Variants in ACE observed in about 807,000 individuals in gnomAD.
ACE encodes the protein angiotensin-converting enzyme.
A neutral mutation model predicts 162.3 loss-of-function variants in ACE; 122 were observed. That is an observed-to-expected ratio of 0.75 (90% CI 0.65 to 0.87). ACE has a LOEUF of 0.87. Ranked by LOEUF, ACE falls within the 40% of genes least tolerant of loss-of-function variation. ACE has a pLI of 0.00. For synonymous variants in ACE, 796 were observed against 720.6 expected (o/e 1.10, Z -1.68); for missense variants, 1,799 against 1,735.1 (o/e 1.04, Z -0.65).
chr17:63,486,074 C>T (rs1407206081), intron 13 of ACE, among the ~76,000 whole-genome samples: 3 of 152,210 alleles, frequency 2.0e-5, no homozygotes, highest in South Asian at 2.1e-4. Context: ...GCTACACTTC[C>T]TCTTTACCCT....
Position 63,497,396 on chromosome 17 carries a change from G to A in ACE, c.*30G>A. On this transcript the variant is annotated 3_prime_UTR_variant, in exon 25 of 25. Transcript: ENST00000290866. ...ACCCGGCTGGGTCGGCCCTGCCCAA[G>A]GGCCTCCCACCAGAGACTGGGATGG... The A allele has an allele frequency of 1.3e-6, 2 of 1,536,308 alleles. No homozygotes were observed. The highest frequency in any genetic ancestry group is 1.2e-5 in the South Asian group (1 of 83,744).
At position 63,496,465 on chromosome 17, in the gene ACE, C is replaced by T. The variant is rs1460629643; in HGVS notation, c.3452C>T (p.Pro1151Leu). 23 of 1,614,102 alleles carry T rather than the reference C, an allele frequency of 1.4e-5. No homozygotes were observed. The highest frequency in any genetic ancestry group is 1.9e-5 in the Non-Finnish European group (22 of 1,180,058). ...TGCCAGGCAGCTGGCCACACGGGCC[C>T]CCTGCACAAGTGTGACATCTACCAG... ...ALCQAAGHTG[P>L]LHKCDIYQSK... The change falls in exon 23 of 25, where the codon CCC (proline) becomes CTC (leucine). Residue 1151 changes from proline to leucine, a missense_variant. Pro to Leu is a moderately conservative substitution (Grantham distance 98). Coordinates refer to ENST00000290866, the MANE Select transcript of ACE (RefSeq NM_000789.4).
chr17:63,482,824 C>T (rs2049733365), intron 8 of ACE, 135 bp downstream of exon 8: 2 of 1,114,056 alleles, frequency 1.8e-6, no homozygotes, highest in African/African-American at 3.1e-5. Context: ...GTTCGGGATC[C>T]TCCTAGAGCC....
At chr17:63,493,407 C>T in intron 19 of ACE, 29 bp from the exon 20 acceptor site, 1 of 1,608,174 alleles carries the variant, frequency 6.2e-7, no homozygotes, top group South Asian at 1.1e-5. Context: ...CCTCTCCCAA[C>T]ACCCTCTCCC....
chr17:63,478,254 G>A, intron 2 of ACE, 156 bp downstream of exon 2: 3 of 985,110 alleles, frequency 3.0e-6, no homozygotes, highest in Non-Finnish European at 4.4e-6. Context: ...GGCTTTCTGA[G>A]CATTGATTTT....
In ACE at chr17:63,485,241, G is replaced by T. The variant is rs767279985; in HGVS notation, c.1927G>T (p.Val643Leu). 6.2e-7 allele frequency: 1 copy of T among 1,614,118 alleles called. No individual in the cohort carries two copies. The highest frequency in any genetic ancestry group is 1.6e-4 in the Middle Eastern group (1 of 6,062). The stretch of plus-strand genomic sequence containing the variant: ...CCCTGCACTCTGTCCCACAGACCTG[G>T]TGACTGATGAGGCTGAGGCCAGCAA... ...PDNYPEGIDL[V>L]TDEAEASKFV... The change falls in exon 13 of 25, where the codon GTG becomes TTG. Residue 643 changes from valine (V) to leucine (L), a missense_variant. By Grantham distance (32) the Val-to-Leu change is conservative. Transcript: ENST00000290866.
intron 17 of ACE, chr17:63,490,662 A>G (rs1052239974): frequency 6.5e-6 from 3 of 460,432 alleles, no homozygotes; most frequent in Non-Finnish European, 1.2e-5. Flanking sequence ...ATGTCCTCAC[A>G]TGTCAGCAGT....
At chr17:63,481,517 G>A (rs1168078467) in intron 6 of ACE, 49 bp from the exon 7 acceptor site, 2 of 1,607,106 alleles carry the variant, frequency 1.2e-6, no homozygotes, top group South Asian at 1.1e-5. Flanking sequence ...CTGTCCCCAG[G>A]CCAGCCAGAG....
rs2049740100 is a variant in ACE at position 63,483,134 on chromosome 17, C to T, written c.1448C>T (p.Thr483Ile). Residue 483 changes from threonine (T) to isoleucine (I), a missense_variant, in exon 9 of 25, where the codon ACC becomes ATC. Thr to Ile is a moderately conservative substitution (Grantham distance 89, BLOSUM62 -1). Coordinates refer to ENST00000290866, the MANE Select transcript of ACE (RefSeq NM_000789.4). ...CGCTGGGGGGTCTTTAGTGGGCGTACCCCCCCTTCCCGCTACAACTTCGAC... is the reference window on the plus strand; with the variant it reads ...CGCTGGGGGGTCTTTAGTGGGCGTATCCCCCCTTCCCGCTACAACTTCGAC... ...QWRWGVFSGR[T>I]PPSRYNFDWW... is the part of the protein sequence containing the mutation. 1.2e-6 allele frequency: 2 copies of T among 1,613,948 alleles called. No individual in the cohort carries two copies. The highest frequency in any genetic ancestry group is 1.7e-6 in the Non-Finnish European group (2 of 1,179,942).
Position 63,479,907 on chromosome 17 carries a change from A to G in ACE, c.650A>G (p.Gln217Arg). ...GCCCTCAGCAATGAAGCCTACAAGC[A>G]GGACGGTGAGCAGGCCTCTCCCTGT... Reference protein sequence around the residue: ...FTALSNEAYKQDGFTDTGAYW... With the variant: ...FTALSNEAYKRDGFTDTGAYW... Residue 217 changes from glutamine to arginine, a missense_variant, in exon 4 of 25, where the codon CAG becomes CGG. Coordinates refer to ENST00000290866, the MANE Select transcript of ACE (RefSeq NM_000789.4). 6.2e-7 allele frequency: 1 copy of G among 1,609,758 alleles called. No individual in the cohort carries two copies. The highest frequency in any genetic ancestry group is 8.5e-7 in the Non-Finnish European group (1 of 1,179,518).
intron 17 of ACE, 77 bp downstream of exon 17, chr17:63,489,209 G>C: frequency 1.3e-6 from 2 of 1,530,938 alleles, no homozygotes; most frequent in Admixed American, 1.8e-5. Context: ...GGGCTGACTA[G>C]AGGGTAGGGA....
chr17:63,482,606 T>C lies in ACE; in HGVS notation c.1259T>C (p.Ile420Thr), dbSNP rs144494842. ...GCCAACCCCGGCTTCCATGAGGCCA[T>C]TGGGGACGTGCTGGCGCTCTCGGTC... ...RGANPGFHEA[I>T]GDVLALSVST... The change falls in exon 8 of 25, where the codon ATT becomes ACT. Residue 420 changes from isoleucine to threonine, a missense_variant. Physicochemically the swap from Ile to Thr is moderately conservative, Grantham distance 89 (BLOSUM62 -1). Coordinates refer to ENST00000290866, the MANE Select transcript of ACE (RefSeq NM_000789.4). 1.7e-4 allele frequency: 276 copies of C among 1,614,080 alleles called. 1 individual carries two copies. The highest frequency in any genetic ancestry group is 1.3e-3 in the African/African-American group (98 of 75,028).
At chr17:63,482,814 G>T in intron 8 of ACE, 125 bp downstream of exon 8, 1 of 1,186,542 alleles carries the variant, frequency 8.4e-7, no homozygotes, top group South Asian at 1.3e-5. Context: ...GTCAGGCAGG[G>T]TTCGGGATCC....
Position 63,488,731 on chromosome 17 carries a change from G to T in ACE, c.2389G>T (p.Ala797Ser). Residue 797 changes from alanine to serine, a missense_variant, in exon 16 of 25, where the codon GCC (alanine) becomes TCC (serine). Coordinates refer to ENST00000290866, the MANE Select transcript of ACE (RefSeq NM_000789.4). ...WEGWRDKAGR[A>S]ILQFYPKYVE... ...GGGCTGGCGAGACAAGGCGGGGAGAGCCATCCTCCAGTTTTACCCGAAATA... is the reference window on the plus strand; with the variant it reads ...GGGCTGGCGAGACAAGGCGGGGAGATCCATCCTCCAGTTTTACCCGAAATA... 3 of 1,613,756 alleles carry T rather than the reference G, an allele frequency of 1.9e-6. No homozygotes were observed. Among genetic ancestry groups the T allele is most frequent in the South Asian group, 2.2e-5 (2 of 91,050 alleles).
chr17:63,489,716 A>G (rs1040242746), intron 17 of ACE, among the ~76,000 whole-genome samples: 1 of 152,210 alleles, frequency 6.6e-6, no homozygotes, highest in African/African-American at 2.4e-5. Flanking sequence ...AGCAGAGGCT[A>G]CTGGTTCTCT....
In ACE at chr17:63,491,532, T is replaced by G; in HGVS notation, c.2912+151T>G. On this transcript the variant is annotated intron_variant, in intron 19 of 24. Coordinates refer to ENST00000290866, the MANE Select transcript of ACE (RefSeq NM_000789.4). The surrounding 1 kb of genome is among the most constrained non-coding windows in gnomAD (Gnocchi z 4.4). ...TTGGGACTGAGTGTCTAGAGAGGTG[T>G]TGGCTTCTGGCAGGAAAACCCCATC... is the stretch of plus-strand genomic sequence containing the variant. 1 of 1,055,720 alleles carries G rather than the reference T, an allele frequency of 9.5e-7. No homozygotes were observed. Among genetic ancestry groups the G allele is most frequent in the Non-Finnish European group, 1.4e-6 (1 of 707,470 alleles). 65.4% of individuals were successfully genotyped at this position (1,055,720 alleles called of 1,614,324 possible). A position where few individuals can be genotyped will look rare whatever the true frequency, so the allele number is the denominator to read the frequency against.
rs111269527 is a variant in ACE, at chr17:63,484,472, G to A, written c.1852G>A (p.Gly618Ser). Residue 618 changes from glycine to serine, a missense_variant, in exon 12 of 25, where the codon GGC (glycine) becomes AGC (serine). Coordinates refer to ENST00000290866, the MANE Select transcript of ACE (RefSeq NM_000789.4). The surrounding 1 kb of genome is among the most constrained non-coding windows in gnomAD (Gnocchi z 4.0). ...GCTGCAGGAGCAGAACCAGCAGAAC[G>A]GCGAGGTCCTGGGCTGGCCCGAGTA... ...QWLQEQNQQN[G>S]EVLGWPEYQW... 4.2e-5 allele frequency: 68 copies of A among 1,611,622 alleles called. No individual in the cohort carries two copies. In the African/African-American group the frequency reaches 6.1e-4, roughly 15 times the overall value.
rs199746395 is a variant in ACE at position 63,482,572 on chromosome 17, C to T, written c.1225C>T (p.Arg409Cys). Residue 409 changes from arginine to cysteine, a missense_variant, in exon 8 of 25, where the codon CGT becomes TGT. Physicochemically the swap from Arg to Cys is radical, Grantham distance 180. Coordinates refer to ENST00000290866, the MANE Select transcript of ACE (RefSeq NM_000789.4). ...LQYKDLPVSL[R>C]RGANPGFHEA... is the part of the protein sequence containing the mutation. Reference sequence around the variant, plus strand: ...GTACAAGGATCTGCCCGTCTCCCTGCGTCGGGGGGCCAACCCCGGCTTCCA... The same window carrying T: ...GTACAAGGATCTGCCCGTCTCCCTGTGTCGGGGGGCCAACCCCGGCTTCCA... 28 of 1,614,018 alleles carry T rather than the reference C, an allele frequency of 1.7e-5. No homozygotes were observed. The highest frequency in any genetic ancestry group is 4.5e-5 in the East Asian group (2 of 44,880).
At position 63,479,776 on chromosome 17, in the gene ACE, C is replaced by T; in HGVS notation, c.519C>T (p.Thr173=). The change falls in exon 4 of 25, where the codon ACC becomes ACT. Residue 173 remains threonine, a synonymous_variant. Transcript: ENST00000290866. ...TGCCTGCCTGTGTCTCAGATCTCAC[C>T]AACATCCTGGCTTCCTCGCGAAGCT... ...ATCWSLDPDL[T]NILASSRSYA... is the part of the protein sequence containing the mutation. The T allele has an allele frequency of 1.2e-6, 2 of 1,613,336 alleles. No homozygotes were observed. The highest frequency in any genetic ancestry group is 8.5e-7 in the Non-Finnish European group (1 of 1,180,014).
Sources: gnomAD v4.1 joint callset for allele counts (sites outside exome capture counted in the v4.1 genomes callset) on GRCh38, gnomAD v4.1.1 for gene constraint, Gnocchi (gnomAD v3.1) non-coding constraint, MANE v1.5 for transcripts, NCBI Gene and HGNC (gene_info 2026-07-23, HGNC 2026-07-21) for gene names.